Variants in AGBL4 observed in about 807,000 individuals in gnomAD.
AGBL4 encodes AGBL carboxypeptidase 4.
AGBL4 carries 58 observed loss-of-function variants against 66.4 expected under a neutral mutation model. That is an observed-to-expected ratio of 0.87 (90% confidence interval 0.71 to 1.09). AGBL4 has a LOEUF of 1.09. Ranked by LOEUF, AGBL4 falls within the 50% of genes least tolerant of loss-of-function variation. The pLI, the probability that AGBL4 is intolerant of heterozygous loss-of-function variation, is 0.00. For synonymous variants in AGBL4, 234 were observed against 222.9 expected (o/e 1.05, Z -0.44); for missense variants, 579 against 631.0 (o/e 0.92, Z 0.88).
intron 3 of AGBL4, among the ~76,000 whole-genome samples, chr1:49,260,615 T>C (rs918753959): frequency 3.9e-5 from 6 of 152,016 alleles, no homozygotes; most frequent in Admixed American, 2.0e-4. Flanking sequence ...CAGGAAGAAG[T>C]TGAATCTCTG....
chr1:49,893,796 T>C (rs925710278), intron 1 of AGBL4, among the ~76,000 whole-genome samples: 4 of 152,176 alleles, frequency 2.6e-5, no homozygotes, highest in Non-Finnish European at 4.4e-5. Flanking sequence ...TGGAGGAGCT[T>C]GCTGCCATGA....
chr1:49,815,093 G>A (rs963176556), intron 2 of AGBL4, among the ~76,000 whole-genome samples: 7 of 151,972 alleles, frequency 4.6e-5, no homozygotes, highest in South Asian at 2.1e-4. Flanking sequence ...ACCCTGTTGC[G>A]CTATCAAGTA....
intron 3 of AGBL4, among the ~76,000 whole-genome samples, chr1:49,614,115 A>G (rs1211399029): frequency 6.6e-6 from 1 of 152,144 alleles, no homozygotes; most frequent in African/African-American, 2.4e-5. Context: ...TTACAGATAC[A>G]TATCTTGATT....
intron 5 of AGBL4, among the ~76,000 whole-genome samples, chr1:49,009,294 C>A (rs1478202957): frequency 6.6e-6 from 1 of 152,112 alleles, no homozygotes; most frequent in Non-Finnish European, 1.5e-5. Flanking sequence ...TGGATAAATT[C>A]CTTGACACAT....
intron 1 of AGBL4, among the ~76,000 whole-genome samples, chr1:49,950,444 AT>A (rs1656059342): frequency 6.6e-6 from 1 of 151,504 alleles, no homozygotes. Context: ...AAGACTACAA[AT>A]TTGGTGCAGC....
At chr1:49,937,217 C>G (rs1404759082) in intron 1 of AGBL4, among the ~76,000 whole-genome samples, 1 of 151,992 alleles carries the variant, frequency 6.6e-6, no homozygotes, top group Non-Finnish European at 1.5e-5. Flanking sequence ...AGACATTAAA[C>G]CAACAAAGAT....
chr1:48,968,294 C>A (rs1658617007), intron 5 of AGBL4, among the ~76,000 whole-genome samples: 2 of 152,126 alleles, frequency 1.3e-5, no homozygotes, highest in Non-Finnish European at 2.9e-5. Flanking sequence ...GCCTCTCGAG[C>A]AATATGGTAA....
At chr1:48,988,187 G>A (rs1401030850) in intron 5 of AGBL4, among the ~76,000 whole-genome samples, 1 of 151,858 alleles carries the variant, frequency 6.6e-6, no homozygotes, top group Non-Finnish European at 1.5e-5. Flanking sequence ...AATTATCTAT[G>A]AGCCACTCGA....
At chr1:49,681,340 A>T (rs1445503013) in intron 3 of AGBL4, among the ~76,000 whole-genome samples, 1 of 152,136 alleles carries the variant, frequency 6.6e-6, no homozygotes, top group Non-Finnish European at 1.5e-5. Context: ...CTTGTGTTTT[A>T]GCAGTGTTCT....
chr1:49,846,111 C>T, intron 2 of AGBL4: 12 of 1,507,674 alleles, frequency 8.0e-6, no homozygotes, highest in Middle Eastern at 1.7e-4. Flanking sequence ...AGCCAGAGCT[C>T]CCTTCTCATC....
In AGBL4 at chr1:49,890,415, C is replaced by T. The variant is rs543943957; in HGVS notation, c.35-38897G>A. On this transcript the variant is annotated intron_variant, in intron 1 of 13. Transcript: ENST00000371839. ...CCTTGCAGCAAATATTACTGTGTGC[C>T]ACTTATTTGCCAGACATTGTTCTAC... is the stretch of plus-strand genomic sequence containing the variant. Among the ~76,000 whole-genome samples, 7 of 152,138 alleles carry T rather than the reference C, an allele frequency of 4.6e-5. No homozygotes were observed. The South Asian group carries it at 1.5e-3, about 32-fold the overall frequency.
At chr1:49,333,231 G>A (rs975305505) in intron 3 of AGBL4, among the ~76,000 whole-genome samples, 4 of 152,098 alleles carry the variant, frequency 2.6e-5, no homozygotes, top group African/African-American at 9.7e-5. Context: ...TGTAATCCCA[G>A]TACTTTGGGA....
At chr1:48,728,849 G>C (rs574633274) in intron 6 of AGBL4, among the ~76,000 whole-genome samples, 2 of 152,346 alleles carry the variant, frequency 1.3e-5, no homozygotes, top group African/African-American at 4.8e-5. Flanking sequence ...CATTTCAATA[G>C]TACTTGACAT....
chr1:48,688,892 T>A lies in AGBL4; in HGVS notation c.635-25651A>T, dbSNP rs146614077. ...CTGTGGGAAGAAGTGGGGGTGTCAG[T>A]TGCAGGGAGCAGGATCAGGATGAAA... On this transcript the variant is annotated intron_variant, in intron 6 of 13. Transcript: ENST00000371839. Among the ~76,000 whole-genome samples, 565 of 151,930 alleles carry A rather than the reference T, an allele frequency of 3.7e-3. 3 individuals are homozygous for A. The highest frequency in any genetic ancestry group is 0.013 in the African/African-American group (544 of 41,428).
intron 2 of AGBL4, among the ~76,000 whole-genome samples, chr1:49,727,198 G>A (rs180715082): frequency 9.9e-5 from 15 of 152,166 alleles, no homozygotes; most frequent in African/African-American, 1.4e-4. Context: ...ATGATAATAC[G>A]TGCTACAGGA....
intron 9 of AGBL4, among the ~76,000 whole-genome samples, chr1:48,619,659 T>C (rs954195722): frequency 6.6e-6 from 1 of 152,198 alleles, no homozygotes; most frequent in African/African-American, 2.4e-5. Context: ...GGAGCTAAAC[T>C]CTAAGAGGAA....
At chr1:49,286,074 T>A (rs550701540) in intron 3 of AGBL4, among the ~76,000 whole-genome samples, 3 of 152,184 alleles carry the variant, frequency 2.0e-5, no homozygotes, top group Non-Finnish European at 4.4e-5. Context: ...AAATCATAAA[T>A]GTAATCCAGC....
chr1:49,740,206 T>G (rs539624642), intron 2 of AGBL4, among the ~76,000 whole-genome samples: 1 of 152,052 alleles, frequency 6.6e-6, no homozygotes, highest in African/African-American at 2.4e-5. Context: ...TGGAGGAAGA[T>G]CTACCAAGCA....
intron 4 of AGBL4, among the ~76,000 whole-genome samples, chr1:49,162,401 C>T (rs984254095): frequency 1.3e-5 from 2 of 152,036 alleles, no homozygotes; most frequent in African/African-American, 4.8e-5. Context: ...ATATATGAAT[C>T]ACATGACATA....
Sources: gnomAD v4.1 joint callset for allele counts (sites outside exome capture counted in the v4.1 genomes callset) on GRCh38, gnomAD v4.1.1 for gene constraint, MANE v1.5 for transcripts, NCBI Gene and HGNC (gene_info 2026-07-23, HGNC 2026-07-21) for gene names.